Variants in CELF2 observed in about 807,000 individuals in gnomAD.
CELF2 encodes CUGBP Elav-like family member 2.
In CELF2, 8 loss-of-function variants were observed where a neutral mutation model predicts 62.6. The observed-to-expected ratio is 0.13, with a 90% CI of 0.07 to 0.23. The LOEUF is 0.23. CELF2 is among the 10% of genes least tolerant of loss of function. The pLI, the probability that CELF2 is intolerant of heterozygous loss-of-function variation, is 1.00. For missense variants in CELF2, 333 were observed against 671.0 expected (o/e 0.50, Z 5.56); for synonymous variants, 258 against 250.0 (o/e 1.03, Z -0.30).
In CELF2 at chr10:10,931,256, A is replaced by G. The variant is rs1696287646; in HGVS notation, c.89+11257A>G. Among the ~76,000 whole-genome samples, 1 of 152,188 alleles carries G rather than the reference A, an allele frequency of 6.6e-6. No individual in the cohort carries two copies. Among genetic ancestry groups the G allele is most frequent in the South Asian group, 2.1e-4 (1 of 4,826 alleles). ...CAAATAAGCAACATTAGACTCACAA[A>G]ACACTATATAAAACCAAGCTGAGGC... On this transcript the variant is annotated intron_variant, in intron 2 of 13. Transcript: ENST00000636488. The surrounding 1 kb of genome is among the most constrained non-coding windows in gnomAD (Gnocchi z 6.1).
intron 3 of CELF2, among the ~76,000 whole-genome samples, chr10:11,229,542 C>T (rs549148758): frequency 6.6e-6 from 1 of 152,094 alleles, no homozygotes; most frequent in Non-Finnish European, 1.5e-5. Context: ...ACTGTGTATG[C>T]CCAGGCCACA....
intron 1 of CELF2, among the ~76,000 whole-genome samples, chr10:10,823,093 G>T (rs537736292): frequency 1.3e-5 from 2 of 152,214 alleles, no homozygotes; most frequent in Non-Finnish European, 2.9e-5. Context: ...CCTTAAAATG[G>T]CATATGTAAT....
At chr10:10,531,917 C>G in the CELF2 span, among the ~76,000 whole-genome samples, 3 of 152,250 alleles carry the variant, frequency 2.0e-5, no homozygotes, top group South Asian at 6.2e-4. Context: ...GCTCCAGTCC[C>G]TCTCATGGTA....
the CELF2 span, among the ~76,000 whole-genome samples, chr10:10,748,486 C>T: frequency 0.022 from 3,309 of 152,126 alleles, 118 homozygotes; most frequent in African/African-American, 0.075. Context: ...CGGTGGCTCA[C>T]GCCTGTAATC....
chr10:10,611,000 G>A, the CELF2 span, among the ~76,000 whole-genome samples: 2 of 152,182 alleles, frequency 1.3e-5, no homozygotes, highest in Non-Finnish European at 2.9e-5. Context: ...TTGGAAAATG[G>A]GGATGAGGCT....
the CELF2 span, among the ~76,000 whole-genome samples, chr10:10,777,913 T>C: frequency 6.6e-6 from 1 of 152,186 alleles, no homozygotes; most frequent in South Asian, 2.1e-4. Context: ...AGCTGTTCTG[T>C]CTGCCTCTAC....
intron 2 of CELF2, among the ~76,000 whole-genome samples, chr10:10,971,206 G>A (rs2136186330): frequency 6.6e-6 from 1 of 152,176 alleles, no homozygotes; most frequent in South Asian, 2.1e-4. Flanking sequence ...AAGGAGCTCT[G>A]CCCTGTCCTC....
the CELF2 span, among the ~76,000 whole-genome samples, chr10:10,547,634 G>T: frequency 1.3e-5 from 2 of 150,426 alleles, no homozygotes; most frequent in African/African-American, 2.5e-5. Context: ...TCCCACCTCC[G>T]CTAAATGTCA....
At chr10:11,089,596 G>A (rs893095488) in intron 1 of CELF2, among the ~76,000 whole-genome samples, 9 of 152,146 alleles carry the variant, frequency 5.9e-5, no homozygotes, top group African/African-American at 1.9e-4. Flanking sequence ...TTTGAAAGAG[G>A]TTTCAGTGGC....
the CELF2 span, among the ~76,000 whole-genome samples, chr10:10,730,158 G>A: frequency 6.6e-6 from 1 of 151,656 alleles, no homozygotes; most frequent in Admixed American, 6.6e-5. Flanking sequence ...TCCCTCCACT[G>A]TGCTCACCAA....
At chr10:10,940,435 C>T (rs1373318875) in intron 2 of CELF2, among the ~76,000 whole-genome samples, 1 of 152,068 alleles carries the variant, frequency 6.6e-6, no homozygotes, top group Non-Finnish European at 1.5e-5. Context: ...GTAGTGTGGA[C>T]TGAGGAGTGC....
intron 1 of CELF2, among the ~76,000 whole-genome samples, chr10:11,044,243 G>C (rs142667494): frequency 6.6e-6 from 1 of 152,044 alleles, no homozygotes; most frequent in Non-Finnish European, 1.5e-5. Context: ...TTGCTTTTCC[G>C]TATTGTCTAC....
chr10:10,493,131 C>A, the CELF2 span, among the ~76,000 whole-genome samples: 1 of 152,162 alleles, frequency 6.6e-6, no homozygotes, highest in Admixed American at 6.5e-5. Flanking sequence ...CATGTTACAA[C>A]ATGGATGAAC....
At chr10:10,687,385 A>G in the CELF2 span, among the ~76,000 whole-genome samples, 2 of 152,178 alleles carry the variant, frequency 1.3e-5, no homozygotes, top group African/African-American at 4.8e-5. Flanking sequence ...ATCTCAAAAA[A>G]CTAAATTAAA....
chr10:10,738,011 G>A, the CELF2 span, among the ~76,000 whole-genome samples: 88 of 152,218 alleles, frequency 5.8e-4, no homozygotes, highest in African/African-American at 2.1e-3. Context: ...CACACACAGG[G>A]GATATAAAGA....
At chr10:10,632,938 G>A in the CELF2 span, among the ~76,000 whole-genome samples, 1 of 152,170 alleles carries the variant, frequency 6.6e-6, no homozygotes, top group African/African-American at 2.4e-5. Flanking sequence ...CACAGTTAAT[G>A]TTACATCTTG....
intron 2 of CELF2, among the ~76,000 whole-genome samples, chr10:10,955,503 C>T (rs1451923414): frequency 6.6e-6 from 1 of 152,226 alleles, no homozygotes; most frequent in African/African-American, 2.4e-5. Context: ...ACCACTGCTA[C>T]ACAATGAAGC....
chr10:11,179,096 GA>G (rs2072324368), intron 2 of CELF2, among the ~76,000 whole-genome samples: 1 of 152,282 alleles, frequency 6.6e-6, no homozygotes, highest in East Asian at 1.9e-4. Flanking sequence ...ATCAAGTCTT[GA>G]AATCCAACAC....
At chr10:10,545,279 G>A in the CELF2 span, among the ~76,000 whole-genome samples, 10 of 152,192 alleles carry the variant, frequency 6.6e-5, no homozygotes, top group African/African-American at 2.4e-4. Flanking sequence ...ATGTGTGCTG[G>A]TATGTTGTCA....
Sources: gnomAD v4.1 joint callset for allele counts (sites outside exome capture counted in the v4.1 genomes callset) on GRCh38, gnomAD v4.1.1 for gene constraint, Gnocchi (gnomAD v3.1) non-coding constraint, MANE v1.5 for transcripts, NCBI Gene and HGNC (gene_info 2026-07-23, HGNC 2026-07-21) for gene names.